Variants in INCA1 observed in about 807,000 individuals in gnomAD.
INCA1 encodes inhibitor of CDK, cyclin A1 interacting protein 1.
A neutral mutation model predicts 25.7 loss-of-function variants in INCA1; 28 were observed. The observed-to-expected ratio is 1.09, with a 90% confidence interval of 0.81 to 1.49. The LOEUF is 1.49. INCA1 is among the 40% of genes most tolerant of loss of function. The pLI, the probability that INCA1 is intolerant of heterozygous loss-of-function variation, is 0.00. For missense variants in INCA1, 309 were observed against 290.9 expected (o/e 1.06, Z -0.45); for synonymous variants, 111 against 103.6 (o/e 1.07, Z -0.43).
chr17:4,993,767 CT>C lies in INCA1; in HGVS notation c.44+626del, dbSNP rs934109564. Among the ~76,000 whole-genome samples the C allele has an allele frequency of 6.0e-3, 587 of 97,314 alleles. 2 individuals carry two copies. The highest frequency in any genetic ancestry group is 9.5e-3 in the Non-Finnish European group (483 of 50,834). 63.8% of individuals were successfully genotyped at this position (97,314 alleles called of 152,430 possible). A position where few individuals can be genotyped will look rare whatever the true frequency, so the allele number is the denominator to read the frequency against. ...ACAGGTGTGAGCCACCGTGCCTGGC[CT>C]TTTTTTTTTTTTTTTTTTTTTGAGA... On this transcript the variant is annotated intron_variant, in intron 2 of 6. Transcript: ENST00000576820.
At chr17:4,989,021 C>G in intron 5 of INCA1, 77 bp from the exon 6 acceptor site, 1 of 1,440,722 alleles carries the variant, frequency 6.9e-7, no homozygotes, top group Non-Finnish European at 9.3e-7. Context: ...CCTTTCTGTT[C>G]TGAAATACTT....
In INCA1 at chr17:4,988,352, C is replaced by T. The variant is rs976374577; in HGVS notation, c.*53G>A. 1.0e-5 allele frequency: 16 copies of T among 1,536,198 alleles called. 1 individual carries two copies. Among genetic ancestry groups the T allele is most frequent in the East Asian group, 4.6e-5 (2 of 43,374 alleles). ...AATGAGGGTGACTCTAGTGACGGAA[C>T]TAGTCTTGGGTCCCTGGGGCACCAC... On this transcript the variant is annotated 3_prime_UTR_variant, in exon 7 of 7. Transcript: ENST00000576820.
chr17:4,994,300 GTTCT>G (rs1974076311), intron 2 of INCA1, 90 bp downstream of exon 2: 16 of 1,164,678 alleles, frequency 1.4e-5, no homozygotes, highest in Non-Finnish European at 1.8e-5. Flanking sequence ...TGCATTTCCC[GTTCT>G]TTATTTCCTA....
intron 2 of INCA1, among the ~76,000 whole-genome samples, chr17:4,992,281 G>GT (rs146726864): frequency 0.023 from 3,492 of 151,908 alleles, 135 homozygotes; most frequent in African/African-American, 0.079. Context: ...AATCCAAACC[G>GT]TTTTTTTTCT....
At chr17:4,995,709 C>T (rs1486226206) in intron 1 of INCA1, 2 of 151,212 alleles carry the variant, frequency 1.3e-5, no homozygotes, top group African/African-American at 4.9e-5. Flanking sequence ...GCGGGTGGAT[C>T]ACCTGAGGTC....
At chr17:4,995,131 G>A (rs1050032944) in intron 1 of INCA1, among the ~76,000 whole-genome samples, 1 of 151,962 alleles carries the variant, frequency 6.6e-6, no homozygotes, top group Admixed American at 6.5e-5. Flanking sequence ...CTTGAACCAG[G>A]GAGTAGGAAG....
intron 1 of INCA1, 142 bp from the exon 2 acceptor site, chr17:4,994,617 C>T (rs1974106588): frequency 1.4e-5 from 8 of 591,890 alleles, no homozygotes; most frequent in South Asian, 3.5e-5. Context: ...TAGTGAAACC[C>T]CATCTCTGCT....
At chr17:4,996,042 CATA>C (rs1390062712) in intron 1 of INCA1, 1 of 151,930 alleles carries the variant, frequency 6.6e-6, no homozygotes, top group East Asian at 1.9e-4. Flanking sequence ...AGGTCAGTTG[CATA>C]TAGGGACAGC....
chr17:4,988,458 T>TCAG (rs1973525540), exon 7 of INCA1: 1 of 1,613,710 alleles, frequency 6.2e-7, no homozygotes, highest in African/African-American at 1.3e-5. Context: ...AGGGGGTTCC[T>TCAG]TCTGGCTGTG....
At chr17:4,989,929 G>A in exon 4 of INCA1, 1 of 1,614,180 alleles carries the variant, frequency 6.2e-7, no homozygotes, top group Non-Finnish European at 8.5e-7. Flanking sequence ...GCCAAGTGGG[G>A]CTGTGAAGAA....
chr17:4,990,304 C>T, intron 2 of INCA1, 39 bp from the exon 3 acceptor site: 1 of 1,583,684 alleles, frequency 6.3e-7, no homozygotes. Context: ...CTGGCTCTTC[C>T]CTTACAGCAG....
intron 6 of INCA1, 24 bp downstream of exon 6, chr17:4,988,755 C>T (rs749123460): frequency 6.2e-7 from 1 of 1,613,522 alleles, no homozygotes; most frequent in Non-Finnish European, 8.5e-7. Flanking sequence ...TCCCTCACTC[C>T]ACCCAGTTCC....
intron 4 of INCA1, 123 bp downstream of exon 4, chr17:4,989,767 G>A (rs1452160508): frequency 1.3e-6 from 2 of 1,556,190 alleles, no homozygotes; most frequent in African/African-American, 2.7e-5. Flanking sequence ...TAGAAAGGAA[G>A]GCCTGGTCAG....
Position 4,990,622 on chromosome 17 carries a change from C to T in INCA1, c.45-357G>A, listed in dbSNP as rs929076183. Among the ~76,000 whole-genome samples the T allele has an allele frequency of 9.9e-5, 15 of 152,160 alleles. No homozygotes were observed. In the East Asian group the frequency reaches 2.1e-3, roughly 22 times the overall value. ...ACTGGCCGGGCGTGGTGGCTCATGC[C>T]TGTAATCCCAGCACTTTGGGAGGCT... On this transcript the variant is annotated intron_variant, in intron 2 of 6. Coordinates refer to ENST00000576820, the Ensembl canonical transcript of INCA1.
Position 4,990,164 on chromosome 17 carries a change from T to TTA in INCA1, c.144_145dup (p.Asn49IlefsTer19), listed in dbSNP as rs1401517467. ...CTCCTCTACTCACGTGGGCCTTTGA[T>TTA]TAAGGTTCTTCCAGAAGACATCTCC... On this transcript the variant is annotated frameshift_variant, in exon 3 of 7. Coordinates refer to ENST00000576820, the Ensembl canonical transcript of INCA1. LOFTEE classifies it high-confidence loss of function. The TTA allele has an allele frequency of 6.2e-7, 1 of 1,614,212 alleles. No homozygotes were observed. The highest frequency in any genetic ancestry group is 1.7e-5 in the Admixed American group (1 of 60,012).
exon 7 of INCA1, chr17:4,988,358 T>C: frequency 3.2e-6 from 5 of 1,548,934 alleles, no homozygotes; most frequent in Non-Finnish European, 4.3e-6. Context: ...GGAACTAGTC[T>C]TGGGTCCCTG....
intron 2 of INCA1, 57 bp downstream of exon 2, chr17:4,994,337 G>A (rs886245376): frequency 1.3e-6 from 2 of 1,506,296 alleles, no homozygotes; most frequent in Non-Finnish European, 1.8e-6. Context: ...AAGGACCCAG[G>A]CATGCAATAT....
rs371142385 is a variant in INCA1 at position 4,990,151 on chromosome 17, C to T, written c.158+1G>A. 44 of 1,614,042 alleles carry T rather than the reference C, an allele frequency of 2.7e-5. No homozygotes were observed. The highest frequency in any genetic ancestry group is 2.5e-4 in the African/African-American group (19 of 74,904). ...TAGTTTCCATTTTCTCCTCTACTCA[C>T]GTGGGCCTTTGATTAAGGTTCTTCC... On this transcript the variant is annotated splice_donor_variant, in intron 3 of 6. Transcript: ENST00000576820. LOFTEE classifies it high-confidence loss of function.
chr17:4,988,640 A>G, intron 6 of INCA1, 86 bp from the exon 7 acceptor site: 1 of 1,573,932 alleles, frequency 6.4e-7, no homozygotes, highest in Non-Finnish European at 8.7e-7. Flanking sequence ...AGGTACCTCG[A>G]AGTCTCTGGT....
Sources: gnomAD v4.1 joint callset for allele counts (sites outside exome capture counted in the v4.1 genomes callset) on GRCh38, gnomAD v4.1.1 for gene constraint, MANE v1.5 for transcripts, NCBI Gene and HGNC (gene_info 2026-07-23, HGNC 2026-07-21) for gene names.